IMMP1L: variants seen among roughly 807,000 people sequenced by gnomAD.
IMMP1L encodes mitochondrial inner membrane protease subunit 1.
In IMMP1L, 24 loss-of-function variants were observed where a neutral mutation model predicts 21.8. The ratio of observed to expected loss-of-function variants is 1.10; its 90% CI spans 0.80 to 1.55. IMMP1L has a LOEUF of 1.55. Ranked by LOEUF, IMMP1L falls within the 40% of genes most tolerant of loss-of-function variation. IMMP1L has a pLI of 0.00. For synonymous variants in IMMP1L, 46 were observed against 62.8 expected (o/e 0.73, Z 1.26); for missense variants, 195 against 200.7 (o/e 0.97, Z 0.17).
At chr11:31,474,696 G>GA (rs1015329729) in intron 1 of IMMP1L, among the ~76,000 whole-genome samples, 1 of 151,662 alleles carries the variant, frequency 6.6e-6, no homozygotes, top group Non-Finnish European at 1.5e-5. Flanking sequence ...AAAAGAATTA[G>GA]AAAAAAACAC....
intron 1 of IMMP1L, among the ~76,000 whole-genome samples, chr11:31,508,184 G>T (rs1161197491): frequency 2.6e-5 from 4 of 152,082 alleles, no homozygotes; most frequent in Non-Finnish European, 5.9e-5. Context: ...AAAAATTCAA[G>T]ACGTTTCTAT....
At chr11:31,438,414 T>C (rs1953197800) in intron 4 of IMMP1L, among the ~76,000 whole-genome samples, 1 of 152,286 alleles carries the variant, frequency 6.6e-6, no homozygotes, top group Admixed American at 6.5e-5. Context: ...CAGTCCTTTA[T>C]TTACCATGGA....
At chr11:31,440,095 A>G (rs1269572904) in intron 4 of IMMP1L, among the ~76,000 whole-genome samples, 1 of 152,170 alleles carries the variant, frequency 6.6e-6, no homozygotes, top group Non-Finnish European at 1.5e-5. Flanking sequence ...CCACTTAAGC[A>G]TACCTGTACC....
intron 1 of IMMP1L, among the ~76,000 whole-genome samples, chr11:31,465,860 T>C (rs1307585891): frequency 6.6e-6 from 1 of 151,980 alleles, no homozygotes; most frequent in East Asian, 1.9e-4. Context: ...CTTCAAGACA[T>C]TGGTCTAGGC....
At chr11:31,472,464 G>T (rs1216683369) in intron 1 of IMMP1L, among the ~76,000 whole-genome samples, 2 of 152,116 alleles carry the variant, frequency 1.3e-5, no homozygotes, top group Non-Finnish European at 2.9e-5. Flanking sequence ...GCCAGCCTTG[G>T]GCAGCCCTAT....
At chr11:31,496,086 T>C (rs1955422481) in intron 1 of IMMP1L, among the ~76,000 whole-genome samples, 1 of 147,570 alleles carries the variant, frequency 6.8e-6, no homozygotes. Context: ...GTCCAGAATA[T>C]ATAAAGAACT....
chr11:31,445,575 C>T (rs892800996), intron 4 of IMMP1L, among the ~76,000 whole-genome samples: 1 of 152,114 alleles, frequency 6.6e-6, no homozygotes, highest in African/African-American at 2.4e-5. Context: ...TTTTTAAAAA[C>T]AGGCATTGTT....
At chr11:31,479,588 A>G (rs1954823976) in intron 1 of IMMP1L, among the ~76,000 whole-genome samples, 1 of 152,080 alleles carries the variant, frequency 6.6e-6, no homozygotes, top group South Asian at 2.1e-4. Flanking sequence ...GAGGCCACTT[A>G]AAAGATGACT....
intron 4 of IMMP1L, chr11:31,452,988 G>A: frequency 1.0e-6 from 1 of 986,506 alleles, no homozygotes; most frequent in Non-Finnish European, 1.4e-6. Context: ...TTGACCTCAG[G>A]TGATCTGCCT....
intron 4 of IMMP1L, among the ~76,000 whole-genome samples, chr11:31,435,021 T>C (rs1316393317): frequency 6.6e-6 from 1 of 152,224 alleles, no homozygotes; most frequent in Non-Finnish European, 1.5e-5. Context: ...TGAAGTGTTA[T>C]TTGATAAAGC....
chr11:31,478,276 T>C (rs1185803148), intron 1 of IMMP1L, among the ~76,000 whole-genome samples: 1 of 152,160 alleles, frequency 6.6e-6, no homozygotes, highest in Non-Finnish European at 1.5e-5. Flanking sequence ...TCACATAAAT[T>C]AGTTGGCCAT....
chr11:31,485,506 C>G (rs1195205952), intron 1 of IMMP1L, among the ~76,000 whole-genome samples: 2 of 151,814 alleles, frequency 1.3e-5, no homozygotes, highest in Non-Finnish European at 3.0e-5. Flanking sequence ...CCTGTAAAAA[C>G]AAAGTGGCTA....
At chr11:31,437,257 C>A in intron 4 of IMMP1L, 1 of 358,414 alleles carries the variant, frequency 2.8e-6, no homozygotes, top group Middle Eastern at 9.9e-4. Flanking sequence ...ACATGAAATT[C>A]ATTTATGTTT....
At chr11:31,446,269 G>A (rs1953516012) in intron 4 of IMMP1L, among the ~76,000 whole-genome samples, 1 of 152,024 alleles carries the variant, frequency 6.6e-6, no homozygotes, top group South Asian at 2.1e-4. Context: ...TATTCTCGAT[G>A]TTATTATCTC....
intron 1 of IMMP1L, among the ~76,000 whole-genome samples, chr11:31,466,570 T>A (rs983076340): frequency 6.6e-6 from 1 of 152,136 alleles, no homozygotes; most frequent in Non-Finnish European, 1.5e-5. Context: ...TGGAATACTA[T>A]TCAGCCACAA....
chr11:31,439,655 TAG>T (rs1459630961), intron 4 of IMMP1L, among the ~76,000 whole-genome samples: 8 of 152,346 alleles, frequency 5.3e-5, no homozygotes, highest in Admixed American at 3.9e-4. Context: ...TCTGTTTTTA[TAG>T]AGTGTTGAAT....
rs1470174057 is a variant in IMMP1L, at chr11:31,432,521, G to A, written c.480C>T (p.Gly160=). The A allele has an allele frequency of 2.5e-6, 4 of 1,612,364 alleles. No individual in the cohort carries two copies. The East Asian group carries it at 6.7e-5, about 27-fold the overall frequency. The change falls in exon 6 of 6, where the codon GGC becomes GGT. Residue 160 remains glycine, a synonymous_variant. Coordinates refer to ENST00000532287, the MANE Select transcript of IMMP1L (RefSeq NM_001304274.2). ...DFGFLRASPN[G]HRFSDD is the part of the protein sequence containing the mutation. ...CTTACTAATCATCAGAAAATCTGTG[G>A]CCATTAGGGCTGGCACGTAAAAATC...
chr11:31,504,320 T>C (rs1459326115), intron 1 of IMMP1L, among the ~76,000 whole-genome samples: 1 of 152,154 alleles, frequency 6.6e-6, no homozygotes, highest in African/African-American at 2.4e-5. Flanking sequence ...AAACGAACTC[T>C]TATCCAAAAT....
At chr11:31,495,039 C>T (rs1408460155) in intron 1 of IMMP1L, among the ~76,000 whole-genome samples, 1 of 152,194 alleles carries the variant, frequency 6.6e-6, no homozygotes, top group African/African-American at 2.4e-5. Context: ...CTTTCAAGTT[C>T]AAAGTTCCAC....
Sources: gnomAD v4.1 joint callset for allele counts (sites outside exome capture counted in the v4.1 genomes callset) on GRCh38, gnomAD v4.1.1 for gene constraint, MANE v1.5 for transcripts, NCBI Gene and HGNC (gene_info 2026-07-23, HGNC 2026-07-21) for gene names.